RPTOR: variants seen among roughly 807,000 people sequenced by gnomAD.
The protein encoded by RPTOR is regulatory-associated protein of mTOR.
A neutral mutation model predicts 169.9 loss-of-function variants in RPTOR; 21 were observed. That is an observed-to-expected ratio of 0.12 (90% confidence interval 0.09 to 0.18). The LOEUF (loss-of-function observed/expected upper bound fraction) is 0.18. Ranked by LOEUF, RPTOR falls within the 10% of genes least tolerant of loss-of-function variation. The probability of loss-of-function intolerance (pLI) is 1.00; values close to 1 mark genes in which losing one functional copy is unlikely to be tolerated. For synonymous variants in RPTOR, 732 were observed against 753.2 expected (o/e 0.97, Z 0.46); for missense variants, 1,133 against 1,855.9 (o/e 0.61, Z 7.16).
chr17:80,921,296 G>A (rs2068741887), intron 21 of RPTOR, among the ~76,000 whole-genome samples: 1 of 152,264 alleles, frequency 6.6e-6, no homozygotes, highest in South Asian at 2.1e-4. Context: ...TGCGGGATCA[G>A]TGGGCACCTT....
Position 80,823,353 on chromosome 17 carries a change from G to GT in RPTOR, c.1136+131dup. 1 of 1,130,024 alleles carries GT rather than the reference G, an allele frequency of 8.8e-7. No individual in the cohort carries two copies. The highest frequency in any genetic ancestry group is 1.2e-6 in the Non-Finnish European group (1 of 824,766). 70.0% of individuals were successfully genotyped at this position (1,130,024 alleles called of 1,614,324 possible). Reference sequence around the variant, plus strand: ...TGGGGACCCCGTGTAGCATTAACAAGTGAAGCTAAATGCAGGGCTCCCAGA... The same window carrying GT: ...TGGGGACCCCGTGTAGCATTAACAAGTTGAAGCTAAATGCAGGGCTCCCAGA... On this transcript the variant is annotated intron_variant, in intron 9 of 33. Transcript: ENST00000306801. The surrounding 1 kb of genome is among the most constrained non-coding windows in gnomAD (Gnocchi z 4.5).
chr17:80,608,620 AC>A (rs1339133986), intron 1 of RPTOR, among the ~76,000 whole-genome samples: 1 of 152,068 alleles, frequency 6.6e-6, no homozygotes, highest in African/African-American at 2.4e-5. Context: ...GACGTGGCCC[AC>A]CCTAGGTCTG....
intron 3 of RPTOR, among the ~76,000 whole-genome samples, chr17:80,703,917 C>T (rs1202797719): frequency 3.3e-5 from 5 of 152,240 alleles, no homozygotes; most frequent in Non-Finnish European, 5.9e-5. Flanking sequence ...GCCATTATCA[C>T]GCCTCTGATT....
intron 4 of RPTOR, among the ~76,000 whole-genome samples, chr17:80,723,122 T>G (rs560524591): frequency 6.6e-6 from 1 of 151,292 alleles, no homozygotes; most frequent in Non-Finnish European, 1.5e-5. Context: ...GGGTGCGTGG[T>G]GTGTGTGATT....
chr17:80,607,369 T>C (rs1368642941), intron 1 of RPTOR, among the ~76,000 whole-genome samples: 2 of 152,174 alleles, frequency 1.3e-5, no homozygotes, highest in Non-Finnish European at 2.9e-5. Flanking sequence ...AATGGATCAT[T>C]TAGTGGTTTT....
At chr17:80,841,293 TCTCACAGCACGGCAGCTCACA>T (rs1463897915) in intron 10 of RPTOR, among the ~76,000 whole-genome samples, 5 of 89,418 alleles carry the variant, frequency 5.6e-5, no homozygotes, top group African/African-American at 9.4e-5. Context: ...GGCAGCTCAC[TCTCACAGCACGGCAGCTCACA>T]CTCACCGCAC....
chr17:80,884,549 G>C (rs2068222022), intron 16 of RPTOR, among the ~76,000 whole-genome samples: 1 of 152,210 alleles, frequency 6.6e-6, no homozygotes. Context: ...CTAAGCCAGG[G>C]TCCCCGGACC....
At chr17:80,867,671 T>A (rs191457388) in intron 13 of RPTOR, among the ~76,000 whole-genome samples, 204 of 152,350 alleles carry the variant, frequency 1.3e-3, no homozygotes, top group Non-Finnish European at 2.0e-3. Context: ...TTAGTAAGTT[T>A]GCAGGTTATA....
chr17:80,923,757 C>T lies in RPTOR; in HGVS notation c.2808+84C>T, dbSNP rs1292785113. On this transcript the variant is annotated intron_variant, in intron 23 of 33. Coordinates refer to ENST00000306801, the MANE Select transcript of RPTOR (RefSeq NM_020761.3). ...GGCTCATGGCCTCAGCCTCAGGCTG[C>T]TCACATCACCATGGGATGGGGCAGG... The T allele has an allele frequency of 4.3e-6, 6 of 1,398,160 alleles. No homozygotes were observed. In the Admixed American group the frequency reaches 7.6e-5, roughly 18 times the overall value. The allele number at this position is 1,398,160 out of a possible 1,614,324, so 86.6% of individuals were successfully genotyped here.
At chr17:80,701,829 AC>A (rs2066103280) in intron 3 of RPTOR, among the ~76,000 whole-genome samples, 1 of 152,122 alleles carries the variant, frequency 6.6e-6, no homozygotes, top group Non-Finnish European at 1.5e-5. Context: ...GCACAGGGCT[AC>A]CCCTGGTGGG....
At chr17:80,836,742 C>G (rs1418378370) in intron 9 of RPTOR, among the ~76,000 whole-genome samples, 1 of 152,040 alleles carries the variant, frequency 6.6e-6, no homozygotes, top group African/African-American at 2.4e-5. Context: ...TGGGAGGGGG[C>G]TGTTAGGACA....
At chr17:80,749,670 C>T (rs1004254217) in intron 5 of RPTOR, among the ~76,000 whole-genome samples, 2 of 152,076 alleles carry the variant, frequency 1.3e-5, no homozygotes, top group African/African-American at 2.4e-5. Context: ...GTAAATTTAA[C>T]GTAGGAGCAA....
At position 80,749,455 on chromosome 17, in the gene RPTOR, C is replaced by T. The variant is rs528855146; in HGVS notation, c.655-4555C>T. Among the ~76,000 whole-genome samples the T allele has an allele frequency of 9.1e-3, 898 of 98,740 alleles. 75 individuals carry two copies. Among genetic ancestry groups the T allele is most frequent in the African/African-American group, 0.034 (788 of 23,190 alleles). 64.8% of individuals were successfully genotyped at this position (98,740 alleles called of 152,430 possible). ...TGCGGGGTGTGTTTAGAGGCCGTGG[C>T]GGGAGGACCTGTTGGGTGGATGGAG... is the stretch of plus-strand genomic sequence containing the variant. On this transcript the variant is annotated intron_variant, in intron 5 of 33. Transcript: ENST00000306801.
chr17:80,567,292 A>AC (rs1555714892), intron 1 of RPTOR, among the ~76,000 whole-genome samples: 1 of 143,680 alleles, frequency 7.0e-6, no homozygotes, highest in African/African-American at 2.5e-5. Context: ...GTTTTATTTT[A>AC]TTTTTTTTTT....
intron 11 of RPTOR, among the ~76,000 whole-genome samples, chr17:80,849,578 G>C (rs531817505): frequency 4.6e-5 from 7 of 152,270 alleles, no homozygotes; most frequent in African/African-American, 7.2e-5. Flanking sequence ...GGAGTGCAGT[G>C]GCGCGGTCTC....
intron 13 of RPTOR, among the ~76,000 whole-genome samples, chr17:80,863,669 C>T (rs1254220540): frequency 6.6e-6 from 1 of 152,212 alleles, no homozygotes; most frequent in African/African-American, 2.4e-5. Context: ...AATCTCAGCA[C>T]TTTTGGAGGC....
At chr17:80,637,309 C>T (rs919462827) in intron 2 of RPTOR, among the ~76,000 whole-genome samples, 9 of 152,210 alleles carry the variant, frequency 5.9e-5, no homozygotes, top group African/African-American at 2.2e-4. Context: ...CGGATGAAGC[C>T]TGGGGCTGTG....
intron 14 of RPTOR, among the ~76,000 whole-genome samples, chr17:80,883,092 G>T (rs534183790): frequency 1.6e-4 from 25 of 152,336 alleles, no homozygotes; most frequent in African/African-American, 6.0e-4. Flanking sequence ...GCAGGCTGGG[G>T]AGGTGAGGTC....
chr17:80,766,074 A>G (rs1250880666), intron 6 of RPTOR, among the ~76,000 whole-genome samples: 1 of 152,140 alleles, frequency 6.6e-6, no homozygotes, highest in Non-Finnish European at 1.5e-5. Context: ...AATTTTTTTT[A>G]AGACGTGATC....
Sources: gnomAD v4.1 joint callset for allele counts (sites outside exome capture counted in the v4.1 genomes callset) on GRCh38, gnomAD v4.1.1 for gene constraint, Gnocchi (gnomAD v3.1) non-coding constraint, MANE v1.5 for transcripts, NCBI Gene and HGNC (gene_info 2026-07-23, HGNC 2026-07-21) for gene names.